SAA4: variants seen among roughly 807,000 people sequenced by gnomAD.
SAA4 encodes serum amyloid A-4 protein.
In SAA4, 8 loss-of-function variants were observed where a neutral mutation model predicts 11.2. That is an observed-to-expected ratio of 0.71 (90% CI 0.42 to 1.29). The LOEUF is 1.29. SAA4 is among the 50% of genes most tolerant of loss of function. The pLI, the probability that SAA4 is intolerant of heterozygous loss-of-function variation, is 0.01. For missense variants in SAA4, 171 were observed against 164.2 expected, an observed-to-expected ratio of 1.04 and a Z score of -0.23; for synonymous variants, 60 against 56.2, an observed-to-expected ratio of 1.07 and a Z score of -0.30.
At chr11:18,235,648 T>A (rs1857197990) in intron 2 of SAA4, among the ~76,000 whole-genome samples, 188 bp downstream of exon 2, 1 of 151,870 alleles carries the variant, frequency 6.6e-6, no homozygotes, top group Non-Finnish European at 1.5e-5. Context: ...ATCTTTAACC[T>A]CTCGTCTGGA....
At chr11:18,231,974 C>T (rs1212303585) in intron 3 of SAA4, among the ~76,000 whole-genome samples, 1 of 148,464 alleles carries the variant, frequency 6.7e-6, no homozygotes, top group Non-Finnish European at 1.5e-5. Flanking sequence ...CCTCGACCTC[C>T]TGGGTTCAAG....
rs767865447 is a variant in SAA4 at position 18,231,640 on chromosome 11, T to C, written c.255A>G (p.Gly85=). ...TTCCAAATAAATAGCAGTCTATTAATCCCTGAAGATAGACCCTGGAACGGC... is the reference window on the plus strand; with the variant it reads ...TTCCAAATAAATAGCAGTCTATTAACCCCTGAAGATAGACCCTGGAACGGC... ...LISRSRVYLQ[G]LIDCYLFGNS... The change falls in exon 4 of 4, where the codon GGA becomes GGG. Residue 85 remains glycine, a synonymous_variant. Coordinates refer to ENST00000278222, the MANE Select transcript of SAA4 (RefSeq NM_006512.4). The C allele has an allele frequency of 1.2e-6, 2 of 1,613,518 alleles. No individual in the cohort carries two copies. Among genetic ancestry groups the C allele is most frequent in the African/African-American group, 2.7e-5 (2 of 74,836 alleles).
intron 1 of SAA4, among the ~76,000 whole-genome samples, chr11:18,236,222 A>T (rs1303670979): frequency 8.5e-5 from 11 of 129,548 alleles, no homozygotes; most frequent in Non-Finnish European, 9.6e-5. Flanking sequence ...CACTCAGCTA[A>T]TTTTTTTTTT....
chr11:18,234,892 C>T (rs957909015), intron 2 of SAA4, among the ~76,000 whole-genome samples: 3 of 152,178 alleles, frequency 2.0e-5, no homozygotes, highest in Non-Finnish European at 4.4e-5. Flanking sequence ...TTTTCAAATG[C>T]TATTCCTAGT....
intron 2 of SAA4, 79 bp from the exon 3 acceptor site, chr11:18,232,612 C>T: frequency 6.5e-7 from 1 of 1,539,236 alleles, no homozygotes; most frequent in Non-Finnish European, 8.8e-7. Flanking sequence ...CCACTGATTT[C>T]CAGATTTTGG....
At chr11:18,236,076 TTC>T in intron 1 of SAA4, 146 bp from the exon 2 acceptor site, 4 of 899,662 alleles carry the variant, frequency 4.4e-6, no homozygotes, top group Non-Finnish European at 6.5e-6. Context: ...CTTTCTTTCT[TTC>T]TTTTTTTTTT....
At position 18,234,400 on chromosome 11, in the gene SAA4, T is replaced by C. The variant is rs114713569; in HGVS notation, c.91+1436A>G. 3.6e-3 allele frequency among the ~76,000 whole-genome samples: 547 copies of C among 152,372 alleles called. 4 individuals carry two copies. The highest frequency in any genetic ancestry group is 0.012 in the African/African-American group (512 of 41,594). ...AAAAACCTCATCAAGCTATACTGTG[T>C]ACTATATGTAAGTTATATATCATTT... On this transcript the variant is annotated intron_variant, in intron 2 of 3. Coordinates refer to ENST00000278222, the MANE Select transcript of SAA4 (RefSeq NM_006512.4).
intron 3 of SAA4, among the ~76,000 whole-genome samples, chr11:18,232,135 G>A (rs113113074): frequency 9.9e-5 from 15 of 152,168 alleles, no homozygotes; most frequent in African/African-American, 3.6e-4. Context: ...CTCCCACCTT[G>A]TCCTCCCAAA....
At chr11:18,236,070 C>A in intron 1 of SAA4, 140 bp from the exon 2 acceptor site, 1 of 909,042 alleles carries the variant, frequency 1.1e-6, no homozygotes, top group Non-Finnish European at 1.6e-6. Flanking sequence ...TCCTCCCTTT[C>A]TTTCTTTCTT....
chr11:18,232,685 T>G, intron 2 of SAA4, 152 bp from the exon 3 acceptor site: 5 of 1,150,564 alleles, frequency 4.3e-6, no homozygotes, highest in Non-Finnish European at 6.0e-6. Context: ...TGTGAACAGC[T>G]TCCCTGAGTA....
intron 1 of SAA4, 130 bp from the exon 2 acceptor site, chr11:18,236,060 TC>T: frequency 6.3e-6 from 6 of 954,384 alleles, no homozygotes; most frequent in Non-Finnish European, 9.1e-6. Flanking sequence ...TTTCTTTCTT[TC>T]CTCCCTTTCT....
rs1331604977 is a variant in SAA4, at chr11:18,236,772, T to C, written c.-60A>G. The C allele has an allele frequency of 1.3e-5, 2 of 152,356 alleles. No homozygotes were observed. Among genetic ancestry groups the C allele is most frequent in the East Asian group, 3.9e-4 (2 of 5,180 alleles). 9.4% of individuals were successfully genotyped at this position (152,356 alleles called of 1,614,324 possible). ...TAAAGGCAGAGCTGCTGGTATCTTC[T>C]GGCCGTGGAGCTATAGTTGGTACCT... is the stretch of plus-strand genomic sequence containing the variant. On this transcript the variant is annotated 5_prime_UTR_variant, in exon 1 of 4. Transcript: ENST00000278222.
chr11:18,231,512 T>G lies in SAA4; in HGVS notation c.383A>C (p.Lys128Thr). Reference sequence around the variant, plus strand: ...AGAGGAGCAGGAAGCTCAGTATTTCTTAGGCAGGCCGTCAGGTCTGAAGCG... The same window carrying G: ...AGAGGAGCAGGAAGCTCAGTATTTCGTAGGCAGGCCGTCAGGTCTGAAGCG... ...PDRFRPDGLP[K>T]KY Residue 128 changes from lysine (K) to threonine (T), a missense_variant, in exon 4 of 4, where the codon AAG becomes ACG. By Grantham distance (78) the Lys-to-Thr change is moderately conservative. Coordinates refer to ENST00000278222, the MANE Select transcript of SAA4 (RefSeq NM_006512.4). The G allele has an allele frequency of 1.2e-6, 2 of 1,612,468 alleles. No homozygotes were observed. Among genetic ancestry groups the G allele is most frequent in the Non-Finnish European group, 1.7e-6 (2 of 1,179,742 alleles).
intron 2 of SAA4, among the ~76,000 whole-genome samples, 174 bp from the exon 3 acceptor site, chr11:18,232,707 G>A (rs184009264): frequency 2.8e-4 from 43 of 152,336 alleles, no homozygotes; most frequent in Non-Finnish European, 3.2e-4. Flanking sequence ...CTGTAAGGAA[G>A]GTGCTTTTCC....
At chr11:18,231,709 C>T in intron 3 of SAA4, 45 bp from the exon 4 acceptor site, 2 of 1,572,750 alleles carry the variant, frequency 1.3e-6, no homozygotes, top group African/African-American at 1.4e-5. Context: ...TCTTGACTCA[C>T]CTGCTCACCT....
chr11:18,232,413 C>T lies in SAA4; in HGVS notation c.212G>A (p.Trp71Ter). 1 of 1,614,106 alleles carries T rather than the reference C, an allele frequency of 6.2e-7. No homozygotes were observed. The highest frequency in any genetic ancestry group is 8.5e-7 in the Non-Finnish European group (1 of 1,179,998). ...GTGTTACCTGATGAGTTTAGCAGCC[C>T]AGACACCCCCAGGTCCTCTTTGGGC... is the stretch of plus-strand genomic sequence containing the variant. ...DAAQRGPGGVWAAKLISRSRV... is the reference protein window; with the variant it reads ...DAAQRGPGGV The change falls in exon 3 of 4, where the codon TGG (tryptophan) becomes TAG (stop). Residue 71 changes from tryptophan (W) to a stop codon, truncating the protein, a stop_gained. Coordinates refer to ENST00000278222, the MANE Select transcript of SAA4 (RefSeq NM_006512.4). LOFTEE classifies it low-confidence loss of function (END_TRUNC).
At chr11:18,234,542 T>C (rs1857184044) in intron 2 of SAA4, among the ~76,000 whole-genome samples, 1 of 152,216 alleles carries the variant, frequency 6.6e-6, no homozygotes. Context: ...TATTTTTGAG[T>C]TCTGCTGTGG....
chr11:18,231,531 T>G lies in SAA4; in HGVS notation c.364A>C (p.Arg122=). The G allele has an allele frequency of 6.2e-7, 1 of 1,613,844 alleles. No individual in the cohort carries two copies. The highest frequency in any genetic ancestry group is 2.2e-5 in the East Asian group (1 of 44,884). Residue 122 remains arginine (R), a synonymous_variant, in exon 4 of 4, where the codon AGA becomes CGA. Coordinates refer to ENST00000278222, the MANE Select transcript of SAA4 (RefSeq NM_006512.4). The stretch of plus-strand genomic sequence containing the variant: ...TATTTCTTAGGCAGGCCGTCAGGTC[T>G]GAAGCGGTCGGGGTCTTTGCCACTC... ...GRSGKDPDRF[R]PDGLPKKY is the part of the protein sequence containing the mutation.
intron 3 of SAA4, 80 bp from the exon 4 acceptor site, chr11:18,231,744 C>A: frequency 6.7e-7 from 1 of 1,492,128 alleles, no homozygotes; most frequent in South Asian, 1.3e-5. Context: ...TGCTAACTCC[C>A]TCCTCTTCTC....
Sources: gnomAD v4.1 joint callset for allele counts (sites outside exome capture counted in the v4.1 genomes callset) on GRCh38, gnomAD v4.1.1 for gene constraint, MANE v1.5 for transcripts, NCBI Gene and HGNC (gene_info 2026-07-23, HGNC 2026-07-21) for gene names.